The following UBE2L3 variants were observed in gnomAD, a reference collection of about 807,000 sequenced individuals.
UBE2L3 encodes the protein ubiquitin-conjugating enzyme E2 L3.
In UBE2L3, 1 loss-of-function variant was observed where a neutral mutation model predicts 17.8. The ratio of observed to expected loss-of-function variants is 0.06; its 90% CI spans 0.02 to 0.27. The LOEUF (loss-of-function observed/expected upper bound fraction) is 0.27. Ranked by LOEUF, UBE2L3 falls within the 10% of genes least tolerant of loss-of-function variation. The probability of loss-of-function intolerance (pLI) is 1.00; values close to 1 mark genes in which losing one functional copy is unlikely to be tolerated. For missense variants in UBE2L3, 40 were observed against 192.6 expected (o/e 0.21, Z 4.69); for synonymous variants, 44 against 68.5 (o/e 0.64, Z 1.76).
At chr22:21,574,592 A>G (rs1201363140) in intron 1 of UBE2L3, among the ~76,000 whole-genome samples, 3 of 152,174 alleles carry the variant, frequency 2.0e-5, no homozygotes, top group African/African-American at 4.8e-5. Flanking sequence ...CTGAGAGCCC[A>G]TTCTCTTACC....
chr22:21,584,559 A>C (rs762689661), intron 1 of UBE2L3, among the ~76,000 whole-genome samples: 4 of 151,866 alleles, frequency 2.6e-5, no homozygotes, highest in Non-Finnish European at 4.4e-5. Flanking sequence ...ACTGGAGTGC[A>C]GTGGCATGAT....
intron 1 of UBE2L3, among the ~76,000 whole-genome samples, chr22:21,585,683 TG>T (rs1927896916): frequency 6.6e-6 from 1 of 152,096 alleles, no homozygotes; most frequent in East Asian, 1.9e-4. Flanking sequence ...ATGAGCATGT[TG>T]GGGATGTGGG....
intron 2 of UBE2L3, among the ~76,000 whole-genome samples, chr22:21,608,484 C>T (rs1363003910): frequency 2.6e-5 from 4 of 152,084 alleles, no homozygotes; most frequent in Admixed American, 6.6e-5. Flanking sequence ...AGTGTAGTGG[C>T]GCAACCTCAG....
At chr22:21,591,222 G>A (rs925882363) in intron 1 of UBE2L3, among the ~76,000 whole-genome samples, 1 of 152,196 alleles carries the variant, frequency 6.6e-6, no homozygotes, top group Non-Finnish European at 1.5e-5. Flanking sequence ...AGCCCATGCC[G>A]CTAACGCCTC....
At chr22:21,567,871 TC>T in intron 1 of UBE2L3, 100 bp downstream of exon 1, 1 of 1,546,564 alleles carries the variant, frequency 6.5e-7, no homozygotes, top group Non-Finnish European at 8.7e-7. Flanking sequence ...CCGTCTGGCT[TC>T]CTGCCCTACA....
At chr22:21,568,034 G>C in intron 1 of UBE2L3, 3 of 1,294,972 alleles carry the variant, frequency 2.3e-6, no homozygotes, top group Non-Finnish European at 2.9e-6. Context: ...TCCGCCCGGA[G>C]CTTGGCCGCG....
chr22:21,605,646 C>T (rs1040107246), intron 2 of UBE2L3, among the ~76,000 whole-genome samples: 19 of 152,200 alleles, frequency 1.2e-4, no homozygotes, highest in Admixed American at 3.9e-4. Context: ...GCTGGGATTA[C>T]AGGCATGTGC....
At chr22:21,591,205 A>G (rs1928247281) in intron 1 of UBE2L3, among the ~76,000 whole-genome samples, 1 of 152,180 alleles carries the variant, frequency 6.6e-6, no homozygotes, top group East Asian at 1.9e-4. Flanking sequence ...TCACTGCAGG[A>G]GGTTGCAGCC....
intron 2 of UBE2L3, among the ~76,000 whole-genome samples, chr22:21,593,670 T>G (rs1928380431): frequency 6.6e-6 from 1 of 152,104 alleles, no homozygotes; most frequent in Non-Finnish European, 1.5e-5. Context: ...GCAATCCCCC[T>G]TCCTCTCACT....
Position 21,595,037 on chromosome 22 carries a change from C to T in UBE2L3, c.123+2081C>T, listed in dbSNP as rs113513071. The stretch of plus-strand genomic sequence containing the variant: ...TCTGCCCCAACTCATGCAAAGGCCT[C>T]CCTCTGGTTTCACGCTGGCAGGGGC... On this transcript the variant is annotated intron_variant, in intron 2 of 3. Transcript: ENST00000342192. Among the ~76,000 whole-genome samples the T allele has an allele frequency of 8.6e-4, 131 of 152,280 alleles. 3 individuals carry two copies. The highest frequency in any genetic ancestry group is 3.1e-3 in the African/African-American group (127 of 41,562).
chr22:21,578,604 C>G (rs1927451515), intron 1 of UBE2L3, among the ~76,000 whole-genome samples: 2 of 152,032 alleles, frequency 1.3e-5, no homozygotes, highest in Non-Finnish European at 2.9e-5. Flanking sequence ...CAGGCACACC[C>G]ATGTACAGAT....
intron 2 of UBE2L3, 61 bp downstream of exon 2, chr22:21,593,017 T>C: frequency 6.7e-7 from 1 of 1,494,986 alleles, no homozygotes; most frequent in South Asian, 1.1e-5. Context: ...TGTGTGCTGT[T>C]GGGCTTGTTT....
chr22:21,589,978 A>T (rs1928168647), intron 1 of UBE2L3, among the ~76,000 whole-genome samples: 1 of 151,878 alleles, frequency 6.6e-6, no homozygotes, highest in Non-Finnish European at 1.5e-5. Context: ...TATTTCTTTT[A>T]TCTTTGTCTG....
At chr22:21,603,491 T>C (rs561129404) in intron 2 of UBE2L3, among the ~76,000 whole-genome samples, 18 of 139,718 alleles carry the variant, frequency 1.3e-4, no homozygotes, top group Middle Eastern at 8.5e-3. Flanking sequence ...GATCGTGCCA[T>C]TGCACTCCTG....
intron 2 of UBE2L3, among the ~76,000 whole-genome samples, chr22:21,604,328 G>A (rs891196817): frequency 3.3e-5 from 5 of 152,122 alleles, no homozygotes; most frequent in South Asian, 2.1e-4. Flanking sequence ...GTGAAACCCC[G>A]TCTCTACTAA....
At chr22:21,589,256 C>T (rs1601414891) in intron 1 of UBE2L3, among the ~76,000 whole-genome samples, 1 of 151,218 alleles carries the variant, frequency 6.6e-6, no homozygotes, top group South Asian at 2.1e-4. Flanking sequence ...CGCCTTTCTC[C>T]TGCCTCAGCC....
chr22:21,572,898 C>T (rs979149273), intron 1 of UBE2L3, among the ~76,000 whole-genome samples: 4 of 152,158 alleles, frequency 2.6e-5, no homozygotes, highest in South Asian at 2.1e-4. Flanking sequence ...GAGCCCTTCT[C>T]GGCTCTTCCT....
upstream of UBE2L3, chr22:21,567,410 G>A (rs1240665073): frequency 1.0e-5 from 3 of 286,464 alleles, no homozygotes; most frequent in Non-Finnish European, 1.9e-5. Flanking sequence ...TGATCCACCC[G>A]CCTCGGTCTC....
chr22:21,560,822 G>A (rs1425694160), intron 1 of UBE2L3, among the ~76,000 whole-genome samples: 3 of 151,330 alleles, frequency 2.0e-5, no homozygotes, highest in African/African-American at 7.3e-5. Flanking sequence ...CCAAAGGCAC[G>A]AGTAGCAATG....
Sources: gnomAD v4.1 joint callset for allele counts (sites outside exome capture counted in the v4.1 genomes callset) on GRCh38, gnomAD v4.1.1 for gene constraint, MANE v1.5 for transcripts, NCBI Gene and HGNC (gene_info 2026-07-23, HGNC 2026-07-21) for gene names.